IL1RAPL2: variants seen among roughly 807,000 people sequenced by gnomAD.
IL1RAPL2 encodes the protein X-linked interleukin-1 receptor accessory protein-like 2.
IL1RAPL2 carries 3 observed loss-of-function variants against 44.1 expected under a neutral mutation model. The ratio of observed to expected loss-of-function variants is 0.07; its 90% CI spans 0.03 to 0.18. The LOEUF (loss-of-function observed/expected upper bound fraction) is 0.18. IL1RAPL2 is among the 10% of genes least tolerant of loss of function. The pLI is 1.00. For missense variants in IL1RAPL2, 391 were observed against 496.4 expected (o/e 0.79, Z 2.02); for synonymous variants, 181 against 178.8 (o/e 1.01, Z -0.10).
intron 2 of IL1RAPL2, among the ~76,000 whole-genome samples, chrX:104,945,053 C>A (rs959712308): frequency 8.9e-6 from 1 of 111,752 alleles, no homozygotes; most frequent in Admixed American, 9.6e-5. Flanking sequence ...CCTGCTCTTT[C>A]TCTTCCACCT....
At chrX:105,745,513 G>A (rs968626102) in intron 8 of IL1RAPL2, among the ~76,000 whole-genome samples, 3 of 111,468 alleles carry the variant, frequency 2.7e-5, no homozygotes, top group Admixed American at 9.5e-5. Flanking sequence ...GGTACTAACA[G>A]ATTTGGTATC....
At chrX:105,271,459 G>A (rs369349301) in intron 5 of IL1RAPL2, among the ~76,000 whole-genome samples, 1 of 111,266 alleles carries the variant, frequency 9.0e-6, no homozygotes, top group Non-Finnish European at 1.9e-5. Context: ...GAATTTGTGC[G>A]GAGGGTTAAT....
chrX:105,457,033 TACACACACACAC>T (rs58305468), intron 5 of IL1RAPL2, among the ~76,000 whole-genome samples: 58 of 85,326 alleles, frequency 6.8e-4, no homozygotes, highest in Middle Eastern at 6.1e-3. Context: ...TCTAAAGTTA[TACACACACACAC>T]ACACACACAC....
At chrX:105,012,255 T>C (rs910998720) in intron 2 of IL1RAPL2, among the ~76,000 whole-genome samples, 4 of 110,851 alleles carry the variant, frequency 3.6e-5, no homozygotes, top group African/African-American at 1.3e-4. Context: ...GCAAGGAAGA[T>C]AGATCTTGTG....
intron 6 of IL1RAPL2, among the ~76,000 whole-genome samples, chrX:105,702,549 C>G (rs781589595): frequency 8.9e-6 from 1 of 111,917 alleles, no homozygotes; most frequent in African/African-American, 3.2e-5. Context: ...TGCTTTAAAA[C>G]TTACAAAGCA....
At chrX:105,194,419 T>G (rs2033657671) in intron 2 of IL1RAPL2, among the ~76,000 whole-genome samples, 1 of 112,388 alleles carries the variant, frequency 8.9e-6, no homozygotes, top group South Asian at 3.7e-4. Context: ...CGTATTTTGA[T>G]GACATTTTTT....
chrX:104,736,812 C>CA (rs1001144574), intron 2 of IL1RAPL2, among the ~76,000 whole-genome samples: 1 of 112,125 alleles, frequency 8.9e-6, no homozygotes, highest in African/African-American at 3.2e-5. Context: ...GCAATGTTAG[C>CA]AATCCTGGCC....
At chrX:105,319,225 C>T (rs1162239510) in intron 5 of IL1RAPL2, among the ~76,000 whole-genome samples, 3 of 111,971 alleles carry the variant, frequency 2.7e-5, no homozygotes, top group African/African-American at 9.8e-5. Flanking sequence ...ATTCTGCTAT[C>T]AGTGAGAGGG....
intron 2 of IL1RAPL2, among the ~76,000 whole-genome samples, chrX:104,836,793 A>G (rs1428520919): frequency 9.0e-6 from 1 of 111,133 alleles, no homozygotes; most frequent in African/African-American, 3.3e-5. Context: ...ACATAGGTAT[A>G]CGTGTTCCAT....
intron 6 of IL1RAPL2, among the ~76,000 whole-genome samples, chrX:105,693,859 G>A (rs1213817231): frequency 1.3e-4 from 15 of 111,460 alleles, no homozygotes; most frequent in Non-Finnish European, 1.7e-4. Context: ...CCAAGGAACC[G>A]AGGCAGCCTA....
At chrX:105,353,355 C>G (rs1470579684) in intron 5 of IL1RAPL2, among the ~76,000 whole-genome samples, 1 of 111,489 alleles carries the variant, frequency 9.0e-6, no homozygotes, top group Non-Finnish European at 1.9e-5. Context: ...AGTTTGAAGT[C>G]AGGTAGTGTG....
chrX:105,439,418 A>AT (rs773049047), intron 5 of IL1RAPL2, among the ~76,000 whole-genome samples: 4 of 101,033 alleles, frequency 4.0e-5, no homozygotes, highest in East Asian at 6.2e-4. Context: ...AATGTTTGGC[A>AT]TTTTTTTTAG....
chrX:105,342,042 G>A (rs901128838), intron 5 of IL1RAPL2, among the ~76,000 whole-genome samples: 2 of 107,973 alleles, frequency 1.9e-5, no homozygotes, highest in Non-Finnish European at 3.8e-5. Context: ...CATCATTCTC[G>A]GTAAACTATC....
In IL1RAPL2 at chrX:104,580,986, A is replaced by G. The variant is rs1442941003; in HGVS notation, c.-20+13935A>G. 8.9e-5 allele frequency among the ~76,000 whole-genome samples: 10 copies of G among 112,097 alleles called. No individual in the cohort carries two copies. The Admixed American group carries it at 9.5e-4, about 11-fold the overall frequency. On this transcript the variant is annotated intron_variant, in intron 1 of 10. Coordinates refer to ENST00000372582, the MANE Select transcript of IL1RAPL2 (RefSeq NM_017416.2). ...TTTAGTACCATGCTCTGCTTATCTC[A>G]AAGAGCTATTCTGAGGCTCAAATGA...
chrX:105,280,740 A>G (rs1023145511), intron 5 of IL1RAPL2, among the ~76,000 whole-genome samples: 13 of 111,618 alleles, frequency 1.2e-4, no homozygotes, highest in Non-Finnish European at 1.9e-4. Flanking sequence ...ATCTCACACC[A>G]GTTAGAATGG....
intron 2 of IL1RAPL2, among the ~76,000 whole-genome samples, chrX:105,158,457 C>G (rs980236902): frequency 8.9e-6 from 1 of 112,548 alleles, no homozygotes; most frequent in African/African-American, 3.2e-5. Context: ...CCCTCATCTA[C>G]TCCTTGTCAC....
At chrX:104,951,722 A>G (rs1263244835) in intron 2 of IL1RAPL2, among the ~76,000 whole-genome samples, 1 of 112,343 alleles carries the variant, frequency 8.9e-6, no homozygotes, top group Admixed American at 9.4e-5. Flanking sequence ...GAATTACTCA[A>G]CAACTAATTG....
chrX:104,755,358 A>G (rs1399574406), intron 2 of IL1RAPL2, among the ~76,000 whole-genome samples: 1 of 109,548 alleles, frequency 9.1e-6, no homozygotes, highest in South Asian at 4.0e-4. Flanking sequence ...TGGGAAGTAA[A>G]TGACAGAGTC....
At chrX:105,143,077 A>G (rs1215295536) in intron 2 of IL1RAPL2, among the ~76,000 whole-genome samples, 1 of 111,436 alleles carries the variant, frequency 9.0e-6, no homozygotes, top group Non-Finnish European at 1.9e-5. Context: ...GAACAGTGCC[A>G]CAATAAATTG....
Sources: gnomAD v4.1 joint callset for allele counts (sites outside exome capture counted in the v4.1 genomes callset) on GRCh38, gnomAD v4.1.1 for gene constraint, MANE v1.5 for transcripts, NCBI Gene and HGNC (gene_info 2026-07-23, HGNC 2026-07-21) for gene names.